Variants in GATAD2A observed in about 807,000 individuals in gnomAD.
The protein encoded by GATAD2A is GATA zinc finger domain containing 2A, also known as transcriptional repressor p66-alpha.
In GATAD2A, 12 loss-of-function variants were observed where a neutral mutation model predicts 68.5. The ratio of observed to expected loss-of-function variants is 0.18; its 90% CI spans 0.11 to 0.28. The LOEUF is 0.28. GATAD2A is among the 10% of genes least tolerant of loss of function. GATAD2A has a pLI of 1.00. For missense variants in GATAD2A, 755 were observed against 868.5 expected (o/e 0.87, Z 1.64); for synonymous variants, 410 against 375.3 (o/e 1.09, Z -1.07).
chr19:19,449,314 C>CT (rs1037213229), intron 1 of GATAD2A, among the ~76,000 whole-genome samples: 68 of 151,674 alleles, frequency 4.5e-4, no homozygotes, highest in African/African-American at 1.6e-3. Flanking sequence ...GCTACCAGAG[C>CT]TGCTCTCCAC....
chr19:19,402,105 C>T (rs1295112946), upstream of GATAD2A: 1 of 152,090 alleles, frequency 6.6e-6, no homozygotes, highest in East Asian at 1.9e-4. Flanking sequence ...GTCACCTAGG[C>T]TAGAGTGCAG....
chr19:19,492,535 T>G (rs1031347102), intron 3 of GATAD2A, 46 bp from the exon 4 acceptor site: 2 of 1,612,260 alleles, frequency 1.2e-6, no homozygotes, highest in South Asian at 2.2e-5. Flanking sequence ...CCTCTGCTCC[T>G]CACCAAGGAC....
chr19:19,440,902 C>T lies in GATAD2A; in HGVS notation c.-6-24438C>T, dbSNP rs184998739. Among the ~76,000 whole-genome samples, 419 of 150,694 alleles carry T rather than the reference C, an allele frequency of 2.8e-3. 3 individuals carry two copies. In the South Asian group the frequency reaches 0.036, roughly 13 times the overall value. On this transcript the variant is annotated intron_variant, in intron 1 of 11. Transcript: ENST00000683918. ...ACAAATTTATTTCCTTCTTTCCTTC[C>T]CTTCCTTTCCTTCCTTCCCTTTCCT...
At chr19:19,421,948 C>T (rs1444979508) in intron 1 of GATAD2A, among the ~76,000 whole-genome samples, 1 of 152,022 alleles carries the variant, frequency 6.6e-6, no homozygotes, top group Non-Finnish European at 1.5e-5. Flanking sequence ...CAGCCTCCCA[C>T]GTAGCTGGGA....
intron 1 of GATAD2A, among the ~76,000 whole-genome samples, chr19:19,459,582 G>A (rs1322555688): frequency 2.0e-5 from 3 of 152,192 alleles, no homozygotes; most frequent in African/African-American, 7.2e-5. Flanking sequence ...TGGGTTGACT[G>A]TTTAGAATTT....
Position 19,502,468 on chromosome 19 carries a change from C to T in GATAD2A, c.1716C>T (p.Thr572=). ...VSRTGRHSER[T]VSAGKGSATS... is the part of the protein sequence containing the mutation. The stretch of plus-strand genomic sequence containing the variant: ...GGACCGGCAGACATTCTGAGAGAAC[C>T]GTGAGCGCCGGCAAGGGCAGCGCCA... Residue 572 remains threonine (T), a synonymous_variant, in exon 11 of 12, where the codon ACC becomes ACT. Transcript: ENST00000683918. The T allele has an allele frequency of 2.5e-6, 4 of 1,613,608 alleles. No homozygotes were observed. Among genetic ancestry groups the T allele is most frequent in the African/African-American group, 1.3e-5 (1 of 75,062 alleles).
chr19:19,414,622 C>CTG (rs1295444326), intron 1 of GATAD2A, among the ~76,000 whole-genome samples: 5 of 141,348 alleles, frequency 3.5e-5, no homozygotes, highest in Non-Finnish European at 6.0e-5. Context: ...ACTGCAACCT[C>CTG]TGCATCACGG....
upstream of GATAD2A, among the ~76,000 whole-genome samples, chr19:19,401,299 C>T (rs569266769): frequency 2.7e-5 from 4 of 149,432 alleles, no homozygotes; most frequent in East Asian, 6.0e-4. Context: ...CTGCAAGCTC[C>T]GCCTCCCGGG....
intron 1 of GATAD2A, among the ~76,000 whole-genome samples, chr19:19,394,492 T>A (rs1402392640): frequency 1.3e-5 from 2 of 149,088 alleles, no homozygotes; most frequent in Admixed American, 6.7e-5. Flanking sequence ...GTTGCCCAGG[T>A]TGGAGTGCAG....
chr19:19,450,411 G>A (rs1053006560), intron 1 of GATAD2A, among the ~76,000 whole-genome samples: 2 of 152,150 alleles, frequency 1.3e-5, no homozygotes, highest in African/African-American at 2.4e-5. Flanking sequence ...ACCTGTGGGG[G>A]CTGTTGCTCA....
At chr19:19,419,657 C>T (rs1037376724) in intron 1 of GATAD2A, among the ~76,000 whole-genome samples, 1 of 151,908 alleles carries the variant, frequency 6.6e-6, no homozygotes, top group African/African-American at 2.4e-5. Context: ...GCTGGGATTA[C>T]AGGCACAAGC....
At chr19:19,410,107 C>T (rs1388030551) in intron 1 of GATAD2A, among the ~76,000 whole-genome samples, 1 of 152,156 alleles carries the variant, frequency 6.6e-6, no homozygotes, top group Admixed American at 6.5e-5. Flanking sequence ...ACGCTGTACC[C>T]CCTTTGTCTC....
chr19:19,397,490 G>A (rs1272847900), intron 1 of GATAD2A, among the ~76,000 whole-genome samples: 1 of 152,072 alleles, frequency 6.6e-6, no homozygotes, highest in Non-Finnish European at 1.5e-5. Flanking sequence ...CTACCAAAGT[G>A]TTGGGATTAC....
rs529618357 is a variant in GATAD2A, at chr19:19,421,429, A to G, written c.-7+15410A>G. ...ACCAGTTTCCCAGGGCATGTCTTGC[A>G]TGTAGGTTGGGTTGTCTAGGCAGCG... is the stretch of plus-strand genomic sequence containing the variant. On this transcript the variant is annotated intron_variant, in intron 1 of 11. Transcript: ENST00000683918. Among the ~76,000 whole-genome samples, 11 of 152,096 alleles carry G rather than the reference A, an allele frequency of 7.2e-5. No individual in the cohort carries two copies. The East Asian group carries it at 2.1e-3, about 29-fold the overall frequency.
chr19:19,504,681 T>A (rs943223889), intron 11 of GATAD2A, among the ~76,000 whole-genome samples: 3 of 150,920 alleles, frequency 2.0e-5, no homozygotes, highest in African/African-American at 7.3e-5. Context: ...AGCTTCTTGC[T>A]ATGTTGCCCA....
chr19:19,434,425 A>G (rs914949318), intron 1 of GATAD2A, among the ~76,000 whole-genome samples: 4 of 152,192 alleles, frequency 2.6e-5, no homozygotes, highest in Non-Finnish European at 5.9e-5. Context: ...GGAGGTGCCT[A>G]AAGGTCTTTC....
chr19:19,412,301 GC>G (rs1864851649), intron 1 of GATAD2A, among the ~76,000 whole-genome samples: 1 of 151,628 alleles, frequency 6.6e-6, no homozygotes, highest in South Asian at 2.1e-4. Context: ...GACTACAGGT[GC>G]CCGCCACCAC....
intron 1 of GATAD2A, among the ~76,000 whole-genome samples, chr19:19,395,229 C>T (rs529916103): frequency 1.3e-5 from 2 of 151,990 alleles, no homozygotes; most frequent in Non-Finnish European, 2.9e-5. Context: ...CTGAGGCAGG[C>T]GGATCATTTG....
intron 2 of GATAD2A, among the ~76,000 whole-genome samples, chr19:19,488,036 A>T (rs570403689): frequency 9.2e-5 from 14 of 152,332 alleles, no homozygotes; most frequent in South Asian, 6.2e-4. Context: ...CACGAGCTAC[A>T]GGTCATGGTC....
Sources: gnomAD v4.1 joint callset for allele counts (sites outside exome capture counted in the v4.1 genomes callset) on GRCh38, gnomAD v4.1.1 for gene constraint, MANE v1.5 for transcripts, NCBI Gene and HGNC (gene_info 2026-07-23, HGNC 2026-07-21) for gene names.